Variants in TMEM229B observed in about 807,000 individuals in gnomAD.
TMEM229B encodes chromosome 14 open reading frame 83.
In TMEM229B, 6 loss-of-function variants were observed where a neutral mutation model predicts 13.7. That is an observed-to-expected ratio of 0.44 (90% confidence interval 0.24 to 0.86). The LOEUF is 0.86. Ranked by LOEUF, TMEM229B falls within the 40% of genes least tolerant of loss-of-function variation. The probability of loss-of-function intolerance (pLI) is 0.23; values close to 1 mark genes in which losing one functional copy is unlikely to be tolerated. For missense variants in TMEM229B, 170 were observed against 236.0 expected (o/e 0.72, Z 1.83); for synonymous variants, 107 against 102.1 (o/e 1.05, Z -0.29).
intron 1 of TMEM229B, among the ~76,000 whole-genome samples, chr14:67,524,636 G>A (rs558040066): frequency 6.6e-6 from 1 of 152,246 alleles, no homozygotes; most frequent in East Asian, 1.9e-4. Flanking sequence ...TGCGAGATGG[G>A]CTTGAATTAG....
Position 67,496,398 on chromosome 14 carries a change from T to TG in TMEM229B, c.-191-9227_-191-9226insC, listed in dbSNP as rs1342507130. On this transcript the variant is annotated intron_variant, in intron 1 of 2. Transcript: ENST00000357461. ...GTGAGCCACTGCTCCGGCGTTTTTT[T>TG]TTTTTTTTTTTTTTTTTTTTTTTGA... 2.5e-5 allele frequency among the ~76,000 whole-genome samples: 3 copies of TG among 120,874 alleles called. No individual in the cohort carries two copies. In the East Asian group the frequency reaches 7.8e-4, roughly 31 times the overall value. The allele number at this position is 120,874 out of a possible 152,430, so 79.3% of individuals were successfully genotyped here.
intron 1 of TMEM229B, among the ~76,000 whole-genome samples, chr14:67,524,552 A>G (rs950248237): frequency 1.3e-5 from 2 of 152,158 alleles, no homozygotes; most frequent in Non-Finnish European, 2.9e-5. Context: ...CCAATGGACC[A>G]CACCCAGCTA....
At chr14:67,476,841 A>G (rs2031234003) in intron 2 of TMEM229B, among the ~76,000 whole-genome samples, 1 of 151,686 alleles carries the variant, frequency 6.6e-6, no homozygotes, top group Non-Finnish European at 1.5e-5. Context: ...AATGCTCGAT[A>G]GTGGCTGGGC....
chr14:67,505,879 TAGTAGCG>T (rs1321274944), intron 1 of TMEM229B, among the ~76,000 whole-genome samples: 1 of 152,118 alleles, frequency 6.6e-6, no homozygotes, highest in African/African-American at 2.4e-5. Context: ...TTTGTATTTT[TAGTAGCG>T]ACAGGGTTTC....
chr14:67,473,035 G>A lies in TMEM229B; in HGVS notation c.*385C>T, dbSNP rs373826870. On this transcript the variant is annotated 3_prime_UTR_variant, in exon 3 of 3. Coordinates refer to ENST00000554480, the MANE Select transcript of TMEM229B (RefSeq NM_001348543.2). This position sits in a 1 kb window ranked among gnomAD's most constrained non-coding sequence, Gnocchi z 6.5. ...GCCAAAGCTCAACTAAATCCAGATC[G>A]GAGGGAGGGAGGTCAGGCCTTGCCT... 5 of 226,530 alleles carry A rather than the reference G, an allele frequency of 2.2e-5. No homozygotes were observed. The East Asian group carries it at 3.1e-4, about 14-fold the overall frequency. The allele number at this position is 226,530 out of a possible 1,614,324, so 14.0% of individuals were successfully genotyped here. A position where few individuals can be genotyped will look rare whatever the true frequency, so the allele number is the denominator to read the frequency against.
chr14:67,491,572 A>C (rs1032665454), upstream of TMEM229B, among the ~76,000 whole-genome samples: 1 of 152,198 alleles, frequency 6.6e-6, no homozygotes, highest in African/African-American at 2.4e-5. Context: ...GAGCTCTATG[A>C]CAGGGACCCG....
chr14:67,502,385 A>G (rs1009095637), intron 1 of TMEM229B, among the ~76,000 whole-genome samples: 1 of 151,714 alleles, frequency 6.6e-6, no homozygotes, highest in Non-Finnish European at 1.5e-5. Flanking sequence ...TAGGACCCAA[A>G]CTTTTGTTAT....
intron 1 of TMEM229B, among the ~76,000 whole-genome samples, chr14:67,531,367 C>T (rs868254833): frequency 6.6e-6 from 1 of 152,128 alleles, no homozygotes; most frequent in Non-Finnish European, 1.5e-5. Flanking sequence ...AAACTCAAGC[C>T]TCCTAAATTC....
rs370689650 is a variant in TMEM229B at position 67,473,185 on chromosome 14, C to T, written c.*235G>A. On this transcript the variant is annotated 3_prime_UTR_variant, in exon 3 of 3. Transcript: ENST00000554480. The surrounding 1 kb of genome is among the most constrained non-coding windows in gnomAD (Gnocchi z 6.5). Reference sequence around the variant, plus strand: ...TGGTACCAACCCCTGAACTGGGCCGCGATCCATGGACCCTTCCCAATGTCC... The same window carrying T: ...TGGTACCAACCCCTGAACTGGGCCGTGATCCATGGACCCTTCCCAATGTCC... 36 of 564,472 alleles carry T rather than the reference C, an allele frequency of 6.4e-5. No homozygotes were observed. The highest frequency in any genetic ancestry group is 1.1e-4 in the African/African-American group (6 of 53,118). The allele number at this position is 564,472 out of a possible 1,614,324, so 35.0% of individuals were successfully genotyped here. A position where few individuals can be genotyped will look rare whatever the true frequency, so the allele number is the denominator to read the frequency against.
intron 1 of TMEM229B, among the ~76,000 whole-genome samples, chr14:67,500,839 A>C (rs1369842914): frequency 2.0e-5 from 3 of 151,888 alleles, no homozygotes; most frequent in Non-Finnish European, 4.4e-5. Flanking sequence ...CCAAAGTGCT[A>C]GGATTACAGG....
intron 1 of TMEM229B, among the ~76,000 whole-genome samples, chr14:67,504,771 G>A (rs1164095798): frequency 6.6e-6 from 1 of 152,098 alleles, no homozygotes; most frequent in African/African-American, 2.4e-5. Context: ...CATAATCCCA[G>A]CTACTCGGGA....
intron 2 of TMEM229B, among the ~76,000 whole-genome samples, chr14:67,480,646 G>T (rs1479046197): frequency 1.3e-5 from 2 of 152,256 alleles, no homozygotes; most frequent in East Asian, 1.9e-4. Context: ...CCCAACTCAG[G>T]CCCCATGACC....
At position 67,473,155 on chromosome 14, in the gene TMEM229B, C is replaced by T. The variant is rs1371374296; in HGVS notation, c.*265G>A. 6.0e-6 allele frequency: 3 copies of T among 496,800 alleles called. No homozygotes were observed. The highest frequency in any genetic ancestry group is 1.1e-5 in the Non-Finnish European group (3 of 273,804). 30.8% of individuals were successfully genotyped at this position (496,800 alleles called of 1,614,324 possible). A position where few individuals can be genotyped will look rare whatever the true frequency, so the allele number is the denominator to read the frequency against. On this transcript the variant is annotated 3_prime_UTR_variant, in exon 3 of 3. Transcript: ENST00000554480. The surrounding 1 kb of genome is among the most constrained non-coding windows in gnomAD (Gnocchi z 6.5). The stretch of plus-strand genomic sequence containing the variant: ...TAGTCCATCGCTGCTCAGCCACAGG[C>T]CTCCTGGTACCAACCCCTGAACTGG...
intron 1 of TMEM229B, among the ~76,000 whole-genome samples, chr14:67,502,881 G>T (rs2032668937): frequency 6.6e-6 from 1 of 152,140 alleles, no homozygotes; most frequent in Admixed American, 6.5e-5. Flanking sequence ...GTCCTGAAAT[G>T]TATTAAGATT....
chr14:67,518,861 A>T (rs2033247676), upstream of TMEM229B, among the ~76,000 whole-genome samples: 1 of 152,252 alleles, frequency 6.6e-6, no homozygotes, highest in Non-Finnish European at 1.5e-5. Flanking sequence ...CAGCCCGATC[A>T]GAAAGGGTCT....
chr14:67,487,667 C>T (rs1200813824), intron 1 of TMEM229B, among the ~76,000 whole-genome samples: 1 of 152,164 alleles, frequency 6.6e-6, no homozygotes, highest in South Asian at 2.1e-4. Context: ...ACTATTCTAC[C>T]TCTCTAATAT....
chr14:67,499,301 A>G (rs1289281520), intron 1 of TMEM229B, among the ~76,000 whole-genome samples: 2 of 152,156 alleles, frequency 1.3e-5, no homozygotes, highest in Non-Finnish European at 2.9e-5. Flanking sequence ...ACTGTGCCCC[A>G]CTAATGGTCT....
chr14:67,518,507 G>A (rs962808839), upstream of TMEM229B, among the ~76,000 whole-genome samples: 3 of 152,204 alleles, frequency 2.0e-5, no homozygotes, highest in African/African-American at 2.4e-5. Context: ...GCCCCGCCAC[G>A]GTAGGCAGTA....
intron 2 of TMEM229B, among the ~76,000 whole-genome samples, chr14:67,484,172 C>CT (rs2031745768): frequency 6.6e-6 from 1 of 152,162 alleles, no homozygotes; most frequent in African/African-American, 2.4e-5. Flanking sequence ...TGATATGTTG[C>CT]TACTTATTTA....
Sources: allele counts gnomAD v4.1 joint callset (sites outside exome capture counted in the v4.1 genomes callset), GRCh38; gene constraint gnomAD v4.1.1; non-coding constraint Gnocchi (gnomAD v3.1); transcripts MANE v1.5; gene names NCBI Gene and HGNC (gene_info 2026-07-23, HGNC 2026-07-21).